The following NOL4L variants were observed in gnomAD, a reference collection of about 807,000 sequenced individuals.
NOL4L encodes the protein nucleolar protein 4 like.
A neutral mutation model predicts 64.5 loss-of-function variants in NOL4L; 7 were observed. That is an observed-to-expected ratio of 0.11 (90% CI 0.06 to 0.20). NOL4L has a LOEUF of 0.20. Ranked by LOEUF, NOL4L falls within the 10% of genes least tolerant of loss-of-function variation. NOL4L has a pLI of 1.00. For missense variants in NOL4L, 680 were observed against 967.1 expected, an observed-to-expected ratio of 0.70 and a Z score of 3.94; for synonymous variants, 413 against 401.0, an observed-to-expected ratio of 1.03 and a Z score of -0.36.
At chr20:32,574,378 A>G (rs1979954653) in intron 1 of NOL4L, among the ~76,000 whole-genome samples, 1 of 152,180 alleles carries the variant, frequency 6.6e-6, no homozygotes, top group African/African-American at 2.4e-5. Context: ...AAACTGAGGC[A>G]CCCAGTGGTT....
At chr20:32,526,209 C>T (rs563344177) in intron 2 of NOL4L, among the ~76,000 whole-genome samples, 2 of 152,314 alleles carry the variant, frequency 1.3e-5, no homozygotes, top group Admixed American at 1.3e-4. Context: ...AAATTTAATG[C>T]TGAGAAAATG....
chr20:32,510,117 C>T (rs2017330044), intron 4 of NOL4L: 1 of 403,272 alleles, frequency 2.5e-6, no homozygotes, highest in Non-Finnish European at 4.7e-6. Context: ...AACCCAAGCC[C>T]ATTTTCCCCA....
intron 2 of NOL4L, among the ~76,000 whole-genome samples, chr20:32,521,520 A>C (rs1284037093): frequency 6.6e-6 from 1 of 152,188 alleles, no homozygotes; most frequent in Non-Finnish European, 1.5e-5. Flanking sequence ...CCCCAAGGTC[A>C]CAAGGAATTT....
chr20:32,540,330 C>G (rs2018631655), intron 1 of NOL4L, among the ~76,000 whole-genome samples: 3 of 152,194 alleles, frequency 2.0e-5, no homozygotes, highest in Admixed American at 2.0e-4. Flanking sequence ...GGCAAGGACT[C>G]AGGGAGACAA....
chr20:32,502,303 A>G (rs2145539435), intron 4 of NOL4L, among the ~76,000 whole-genome samples: 1 of 152,352 alleles, frequency 6.6e-6, no homozygotes, highest in South Asian at 2.1e-4. Flanking sequence ...TAAAAAATGT[A>G]TTCTAGAGGC....
chr20:32,461,421 CTTTTTTTTTT>C (rs869282447), intron 5 of NOL4L, among the ~76,000 whole-genome samples: 3 of 58,346 alleles, frequency 5.1e-5, no homozygotes. Context: ...CCTTTCTTTT[CTTTTTTTTTT>C]TTTTTTTTTG....
chr20:32,465,871 C>A (rs1383222689), intron 5 of NOL4L, among the ~76,000 whole-genome samples: 1 of 152,192 alleles, frequency 6.6e-6, no homozygotes, highest in Non-Finnish European at 1.5e-5. Flanking sequence ...GACACAGGAG[C>A]CTGCAGGATG....
At chr20:32,455,763 C>T (rs1039659120) in intron 6 of NOL4L, among the ~76,000 whole-genome samples, 4 of 152,338 alleles carry the variant, frequency 2.6e-5, no homozygotes, top group Admixed American at 2.0e-4. Flanking sequence ...TGGGAGGCCT[C>T]GTACCTGGCT....
intron 4 of NOL4L, among the ~76,000 whole-genome samples, chr20:32,477,722 C>G (rs930608804): frequency 1.3e-5 from 2 of 152,218 alleles, no homozygotes; most frequent in Non-Finnish European, 2.9e-5. Flanking sequence ...CACCCTGGTG[C>G]CCTGCAATGC....
intron 1 of NOL4L, among the ~76,000 whole-genome samples, chr20:32,582,594 C>T (rs1980549902): frequency 6.6e-6 from 1 of 152,066 alleles, no homozygotes; most frequent in African/African-American, 2.4e-5. Context: ...GGGGGGTCAC[C>T]CCCCAACTCC....
At chr20:32,528,513 G>A (rs2145582320) in intron 1 of NOL4L, among the ~76,000 whole-genome samples, 1 of 152,398 alleles carries the variant, frequency 6.6e-6, no homozygotes, top group South Asian at 2.1e-4. Context: ...GAGGCCACGA[G>A]GAGGTGGCAG....
chr20:32,499,184 AT>A (rs36117110), intron 4 of NOL4L, among the ~76,000 whole-genome samples: 2 of 151,700 alleles, frequency 1.3e-5, no homozygotes, highest in East Asian at 1.9e-4. Flanking sequence ...GCCAAAAAAA[AT>A]TTTTTTTTAA....
At chr20:32,476,352 C>T (rs923146909) in intron 4 of NOL4L, among the ~76,000 whole-genome samples, 1 of 152,182 alleles carries the variant, frequency 6.6e-6, no homozygotes, top group Admixed American at 6.5e-5. Flanking sequence ...GGGGAAGGTT[C>T]CTTGGAGCCT....
At chr20:32,509,536 A>AAG (rs1555800663) in intron 4 of NOL4L, among the ~76,000 whole-genome samples, 84 of 140,692 alleles carry the variant, frequency 6.0e-4, no homozygotes, top group South Asian at 4.2e-3. Flanking sequence ...AAAAAAAAAA[A>AAG]AAAAGAAAAG....
At chr20:32,501,087 A>C (rs1339863129) in intron 4 of NOL4L, among the ~76,000 whole-genome samples, 1 of 152,180 alleles carries the variant, frequency 6.6e-6, no homozygotes, top group African/African-American at 2.4e-5. Flanking sequence ...GTGTGGAAAG[A>C]GGGAAAAGTC....
At chr20:32,583,408 A>C in intron 1 of NOL4L, among the ~76,000 whole-genome samples, 1 of 144,380 alleles carries the variant, frequency 6.9e-6, no homozygotes, top group East Asian at 2.3e-4. Flanking sequence ...CCGGCCGGGG[A>C]CGGGGCTGAG....
chr20:32,487,595 CA>C (rs1449040783), intron 4 of NOL4L, among the ~76,000 whole-genome samples: 1 of 148,484 alleles, frequency 6.7e-6, no homozygotes, highest in Non-Finnish European at 1.5e-5. Context: ...CAATGTGGGC[CA>C]GGGGGAGGGC....
rs1380409102 is a variant in NOL4L at position 32,446,373 on chromosome 20, C to A, written c.*1223G>T. On this transcript the variant is annotated 3_prime_UTR_variant, in exon 11 of 11. Coordinates refer to ENST00000621426, the MANE Select transcript of NOL4L (RefSeq NM_001256798.2). ...GAGAACCCAAGTGGCTCCTCCACTTCCACTGATCCCTTTACTCCAAACATG... is the reference window on the plus strand; with the variant it reads ...GAGAACCCAAGTGGCTCCTCCACTTACACTGATCCCTTTACTCCAAACATG... 6.6e-6 allele frequency: 1 copy of A among 152,288 alleles called. No individual in the cohort carries two copies. Among genetic ancestry groups the A allele is most frequent in the East Asian group, 1.9e-4 (1 of 5,190 alleles). The allele number at this position is 152,288 out of a possible 1,614,324, so 9.4% of individuals were successfully genotyped here. A position where few individuals can be genotyped will look rare whatever the true frequency, so the allele number is the denominator to read the frequency against.
At chr20:32,510,259 A>G in intron 4 of NOL4L, 1 of 338,304 alleles carries the variant, frequency 3.0e-6, no homozygotes, top group Non-Finnish European at 5.9e-6. Flanking sequence ...CCTACGTCAC[A>G]CAGCCTCTAG....
Sources: allele counts gnomAD v4.1 joint callset (sites outside exome capture counted in the v4.1 genomes callset), GRCh38; gene constraint gnomAD v4.1.1; transcripts MANE v1.5; gene names NCBI Gene and HGNC (gene_info 2026-07-23, HGNC 2026-07-21).